The following PGA3 variants were observed in gnomAD, a reference collection of about 807,000 sequenced individuals.
PGA3 encodes the protein pepsinogen A3.
PGA3 carries 1 observed loss-of-function variant against 15.6 expected under a neutral mutation model. The observed-to-expected ratio is 0.06, with a 90% CI of 0.02 to 0.30. The LOEUF (loss-of-function observed/expected upper bound fraction) is 0.30, where lower values mean the gene tolerates loss of function less well. Ranked by LOEUF, PGA3 falls within the 10% of genes least tolerant of loss-of-function variation. The pLI, the probability that PGA3 is intolerant of heterozygous loss-of-function variation, is 1.00. For synonymous variants in PGA3, 14 were observed against 79.5 expected, an observed-to-expected ratio of 0.18 and a Z score of 4.38; for missense variants, 29 against 183.7, an observed-to-expected ratio of 0.16 and a Z score of 4.87.
rs1246330821 is a variant in PGA3, at chr11:61,211,397, G to T, written c.979G>T (p.Val327Phe). 1.6e-6 allele frequency: 2 copies of T among 1,270,722 alleles called. No homozygotes were observed. Among genetic ancestry groups the T allele is most frequent in the Non-Finnish European group, 2.2e-6 (2 of 898,672 alleles). 78.7% of individuals were successfully genotyped at this position (1,270,722 alleles called of 1,614,324 possible). The change falls in exon 8 of 9, where the codon GTC becomes TTC. Residue 327 changes from valine to phenylalanine, a missense_variant. Val to Phe is a conservative substitution (Grantham distance 50, BLOSUM62 -1). Transcript: ENST00000325558. Reference sequence around the variant, plus strand: ...CGACATCGTCTTCACCATCAATGGAGTCCAGTACCCCGTGCCACCCAGTGC... The same window carrying T: ...CGACATCGTCTTCACCATCAATGGATTCCAGTACCCCGTGCCACCCAGTGC... Reference protein sequence around the residue: ...LPDIVFTINGVQYPVPPSAYI... With the variant: ...LPDIVFTINGFQYPVPPSAYI...
intron 2 of PGA3, among the ~76,000 whole-genome samples, chr11:61,204,956 G>T (rs1408638838): frequency 2.0e-5 from 3 of 152,182 alleles, no homozygotes; most frequent in African/African-American, 7.2e-5. Context: ...TTTGAGATCC[G>T]ATAGCAAACA....
intron 2 of PGA3, chr11:61,204,620 A>G: frequency 2.0e-6 from 1 of 502,742 alleles, no homozygotes; most frequent in Non-Finnish European, 3.6e-6. Flanking sequence ...CAGCAGGAGG[A>G]CTACAGAGTG....
At chr11:61,203,747 C>G (rs1853892897) in intron 1 of PGA3, 127 bp downstream of exon 1, 9 of 1,534,030 alleles carry the variant, frequency 5.9e-6, no homozygotes, top group Non-Finnish European at 8.0e-6. Context: ...TTCCGCCTCT[C>G]TCTCTGCCTT....
At chr11:61,207,419 AC>A in intron 3 of PGA3, 77 bp from the exon 4 acceptor site, 1 of 1,152,692 alleles carries the variant, frequency 8.7e-7, no homozygotes, top group South Asian at 1.2e-5. Flanking sequence ...GGGCCAGGGC[AC>A]CCCATCCCAG....
At chr11:61,205,058 C>G (rs1853909304) in intron 2 of PGA3, among the ~76,000 whole-genome samples, 1 of 152,192 alleles carries the variant, frequency 6.6e-6, no homozygotes, top group African/African-American at 2.4e-5. Context: ...AGAGACTGGC[C>G]TCTGCCATCC....
chr11:61,204,441 GTTCA>G (rs1853900277), intron 2 of PGA3, 172 bp downstream of exon 2: 2 of 424,938 alleles, frequency 4.7e-6, no homozygotes, highest in Admixed American at 3.8e-5. Context: ...CACAGTCAGA[GTTCA>G]TTCATTCATT....
chr11:61,204,952 A>G (rs1464394079), intron 2 of PGA3, among the ~76,000 whole-genome samples: 1 of 152,158 alleles, frequency 6.6e-6, no homozygotes, highest in African/African-American at 2.4e-5. Flanking sequence ...ATTATTTGAG[A>G]TCCGATAGCA....
intron 8 of PGA3, among the ~76,000 whole-genome samples, chr11:61,211,774 A>C (rs1328489121): frequency 6.6e-6 from 1 of 150,796 alleles, no homozygotes; most frequent in Non-Finnish European, 1.5e-5. Flanking sequence ...TTCTCATCCA[A>C]AAAGTAGAGA....
At chr11:61,205,904 G>C in intron 2 of PGA3, 1 of 78,538 alleles carries the variant, frequency 1.3e-5, no homozygotes, top group Admixed American at 1.2e-4. Flanking sequence ...GGTTGAGGCA[G>C]GAGAATCACT....
chr11:61,204,560 G>C, intron 2 of PGA3: 2 of 546,616 alleles, frequency 3.7e-6, no homozygotes, highest in Middle Eastern at 5.5e-4. Flanking sequence ...CATAGCCTAG[G>C]AGACAAACAC....
intron 2 of PGA3, among the ~76,000 whole-genome samples, chr11:61,205,090 G>C (rs1853909820): frequency 6.6e-6 from 1 of 152,090 alleles, no homozygotes; most frequent in South Asian, 2.1e-4. Flanking sequence ...TGCAAATATG[G>C]GTCCTAGTGC....
Position 61,203,619 on chromosome 11 carries a change from A to C in PGA3, c.55A>C (p.Lys19Gln). The C allele has an allele frequency of 6.2e-7, 1 of 1,605,006 alleles. No homozygotes were observed. Among genetic ancestry groups the C allele is most frequent in the Non-Finnish European group, 8.5e-7 (1 of 1,174,196 alleles). The change falls in exon 1 of 9, where the codon AAG (lysine) becomes CAG (glutamine). Residue 19 changes from lysine (K) to glutamine (Q), a missense_variant and splice_region_variant. Physicochemically the swap from Lys to Gln is moderately conservative, Grantham distance 53. Around this residue, in one of 3 missense-constraint regions of PGA3, gnomAD observed 19 missense variants for 77.9 expected, o/e 0.24. Transcript: ENST00000325558. ...GGCACTCTCTGAGTGCATCATGTAC[A>C]AGTGAGTCCGGGTGGTGTGGGTGTG... ...LVALSECIMY[K>Q]VPLIRKKSLR... is the part of the protein sequence containing the mutation.
chr11:61,206,317 C>A (rs1029408128), intron 2 of PGA3, 193 bp from the exon 3 acceptor site: 1 of 61,054 alleles, frequency 1.6e-5, no homozygotes, highest in Non-Finnish European at 3.7e-5. Flanking sequence ...TCAGGGAAGA[C>A]TTCAAGGAGG....
rs775031186 is a variant in PGA3, at chr11:61,204,237, G to T, written c.187G>T (p.Val63Leu). 6.9e-7 allele frequency: 1 copy of T among 1,445,428 alleles called. No individual in the cohort carries two copies. The highest frequency in any genetic ancestry group is 9.5e-7 in the Non-Finnish European group (1 of 1,048,980). The allele number at this position is 1,445,428 out of a possible 1,614,324, so 89.5% of individuals were successfully genotyped here. A position where few individuals can be genotyped will look rare whatever the true frequency, so the allele number is the denominator to read the frequency against. The part of the protein sequence containing the change: ...YFPQWKAPTL[V>L]DEQPLENYLD... ...CCCCCAGTGGAAGGCTCCCACCCTG[G>T]TAGATGAACAGCCCCTGGAGAACTA... The change falls in exon 2 of 9, where the codon GTA (valine) becomes TTA (leucine). Residue 63 changes from valine (V) to leucine (L), a missense_variant. By Grantham distance (32) the Val-to-Leu change is conservative. Transcript: ENST00000325558.
rs201545470 is a variant in PGA3, at chr11:61,211,168, C to T, written c.852C>T (p.Thr284=). ...TTGACACCGGCACCTCTCTGCTGAC[C>T]GGCCCAACCAGCCCCATTGCCAACA... The part of the protein sequence containing the change: ...AIVDTGTSLL[T]GPTSPIANIQ... The change falls in exon 7 of 9, where the codon ACC becomes ACT. Residue 284 remains threonine (T), a synonymous_variant. Transcript: ENST00000325558. The T allele has an allele frequency of 3.2e-5, 15 of 472,742 alleles. No homozygotes were observed. The Admixed American group carries it at 3.4e-4, about 11-fold the overall frequency. The allele number at this position is 472,742 out of a possible 1,614,324, so 29.3% of individuals were successfully genotyped here.
intron 2 of PGA3, among the ~76,000 whole-genome samples, chr11:61,205,056 G>C (rs1490708528): frequency 4.3e-4 from 66 of 152,168 alleles, no homozygotes; most frequent in Non-Finnish European, 3.7e-4. Flanking sequence ...TCAGAGACTG[G>C]CCTCTGCCAT....
At chr11:61,205,338 A>G (rs1009728804) in intron 2 of PGA3, among the ~76,000 whole-genome samples, 8 of 152,062 alleles carry the variant, frequency 5.3e-5, no homozygotes, top group African/African-American at 1.7e-4. Context: ...GCCAGAGGCT[A>G]TGCAAGTTGC....
At position 61,203,571 on chromosome 11, in the gene PGA3, TG is replaced by T. The variant is rs1322424997; in HGVS notation, c.9del (p.Trp3CysfsTer26). On this transcript the variant is annotated frameshift_variant, in exon 1 of 9. Coordinates refer to ENST00000325558, the MANE Select transcript of PGA3 (RefSeq NM_001079807.4). LOFTEE classifies it high-confidence loss of function. MKWLLLLGLVALS... is the reference protein window; with the variant it reads MKXLLLLGLVALS... ...TTGGGACCCGGGAAGAACCATGAAGTGGCTGCTGCTGCTGGGTCTGGTGGCA... is the reference window on the plus strand; with the variant it reads ...TTGGGACCCGGGAAGAACCATGAAGTGCTGCTGCTGCTGGGTCTGGTGGCA... The T allele has an allele frequency of 6.2e-7, 1 of 1,611,420 alleles. No homozygotes were observed. Among genetic ancestry groups the T allele is most frequent in the Admixed American group, 1.7e-5 (1 of 59,968 alleles).
chr11:61,203,807 T>G, intron 1 of PGA3, 187 bp downstream of exon 1: 1 of 979,278 alleles, frequency 1.0e-6, no homozygotes, highest in South Asian at 1.5e-5. Context: ...CCAGCCTGAC[T>G]GTGGTTCCCA....
Sources: allele counts gnomAD v4.1 joint callset (sites outside exome capture counted in the v4.1 genomes callset), GRCh38; gene constraint gnomAD v4.1.1; regional missense constraint gnomAD v4.1.1; transcripts MANE v1.5; gene names NCBI Gene and HGNC (gene_info 2026-07-23, HGNC 2026-07-21).